Variants in ERAP1 observed in about 807,000 individuals in gnomAD.
ERAP1 encodes the protein endoplasmic reticulum aminopeptidase 1, also known as adipocyte-derived leucine aminopeptidase.
ERAP1 carries 86 observed loss-of-function variants against 103.7 expected under a neutral mutation model. The ratio of observed to expected loss-of-function variants is 0.83; its 90% CI spans 0.70 to 0.99. The LOEUF is 0.99. Ranked by LOEUF, ERAP1 falls within the 50% of genes least tolerant of loss-of-function variation. The probability of loss-of-function intolerance (pLI) is 0.00; values close to 1 mark genes in which losing one functional copy is unlikely to be tolerated. For synonymous variants in ERAP1, 398 were observed against 402.4 expected, an observed-to-expected ratio of 0.99 and a Z score of 0.13; for missense variants, 1,009 against 1,128.4, an observed-to-expected ratio of 0.89 and a Z score of 1.52.
intron 7 of ERAP1, among the ~76,000 whole-genome samples, chr5:96,792,740 C>T (rs1474452438): frequency 3.9e-5 from 6 of 151,944 alleles, no homozygotes; most frequent in African/African-American, 1.5e-4. Flanking sequence ...ATTATGTACA[C>T]AGGCAGATGA....
At chr5:96,824,432 G>T in the ERAP1 span, among the ~76,000 whole-genome samples, 1 of 152,082 alleles carries the variant, frequency 6.6e-6, no homozygotes, top group African/African-American at 2.4e-5. Flanking sequence ...CTCCTGCTTA[G>T]GACCCCTCAA....
chr5:96,781,995 T>C, intron 15 of ERAP1, 141 bp from the exon 16 acceptor site: 1 of 808,820 alleles, frequency 1.2e-6, no homozygotes, highest in Non-Finnish European at 2.0e-6. Flanking sequence ...ACTACTGATT[T>C]CCTTCAGTTA....
At chr5:96,812,974 C>A (rs1289660927), upstream of ERAP1, among the ~76,000 whole-genome samples, 1 of 151,974 alleles carries the variant, frequency 6.6e-6, no homozygotes, top group African/African-American at 2.4e-5. Context: ...TTTTTTCTTT[C>A]CCAACCCTTC....
chr5:96,923,194 G>A, the ERAP1 span, among the ~76,000 whole-genome samples: 1 of 152,016 alleles, frequency 6.6e-6, no homozygotes, highest in Non-Finnish European at 1.5e-5. Flanking sequence ...TTTCCACACT[G>A]GTCTCAAGCT....
At chr5:96,834,031 G>T in the ERAP1 span, among the ~76,000 whole-genome samples, 6 of 152,168 alleles carry the variant, frequency 3.9e-5, no homozygotes, top group Non-Finnish European at 1.5e-5. Context: ...GCCACAACTA[G>T]TTGAAATGAA....
At chr5:96,890,681 A>G in the ERAP1 span, among the ~76,000 whole-genome samples, 8 of 152,152 alleles carry the variant, frequency 5.3e-5, no homozygotes, top group Admixed American at 4.6e-4. Flanking sequence ...CATAAATTAA[A>G]AGGGACCATC....
the ERAP1 span, among the ~76,000 whole-genome samples, chr5:96,862,117 A>G: frequency 6.6e-6 from 1 of 152,132 alleles, no homozygotes; most frequent in East Asian, 1.9e-4. Context: ...AGAAGTTGGA[A>G]CCACAGGTGC....
the ERAP1 span, among the ~76,000 whole-genome samples, chr5:96,887,100 T>TATATATATATAC: frequency 2.6e-4 from 36 of 137,442 alleles, no homozygotes; most frequent in Non-Finnish European, 4.7e-4. Flanking sequence ...TATATATATA[T>TATATATATATAC]ACACACACAC....
At chr5:96,828,858 AT>A in the ERAP1 span, among the ~76,000 whole-genome samples, 1 of 151,624 alleles carries the variant, frequency 6.6e-6, no homozygotes, top group East Asian at 1.9e-4. Flanking sequence ...TTTTTTTATT[AT>A]TTTTTTGAGA....
Position 96,797,165 on chromosome 5 carries a change from A to G in ERAP1, c.798+10T>C. ...AAGCTGGTCACCATATGTGACAGTC[A>G]TAGGCTCACCTTGACTCCACTCTTG... is the stretch of plus-strand genomic sequence containing the variant. On this transcript the variant is annotated intron_variant, in intron 4 of 18. Coordinates refer to ENST00000443439, the MANE Select transcript of ERAP1 (RefSeq NM_001040458.3). 6.2e-7 allele frequency: 1 copy of G among 1,614,120 alleles called. No individual in the cohort carries two copies. The highest frequency in any genetic ancestry group is 8.5e-7 in the Non-Finnish European group (1 of 1,180,016).
At chr5:96,892,349 C>A in the ERAP1 span, 1 of 1,613,922 alleles carries the variant, frequency 6.2e-7, no homozygotes. Context: ...AAATTGGGGC[C>A]TCATTACATA....
At position 96,780,516 on chromosome 5, in the gene ERAP1, A is replaced by G. The variant is rs748823601; in HGVS notation, c.2589-12T>C. 6.3e-7 allele frequency: 1 copy of G among 1,596,800 alleles called. No homozygotes were observed. The highest frequency in any genetic ancestry group is 1.1e-5 in the South Asian group (1 of 90,702). The stretch of plus-strand genomic sequence containing the variant: ...AGCCAAGTTCAAACCTAGAGAGGGA[A>G]ATATTCAAAAACGGGTTGTGAAATA... On this transcript the variant is annotated splice_polypyrimidine_tract_variant and intron_variant, in intron 17 of 18. Transcript: ENST00000443439.
At chr5:96,879,479 C>G in the ERAP1 span, 1 of 506,776 alleles carries the variant, frequency 2.0e-6, no homozygotes, top group Non-Finnish European at 3.5e-6. Context: ...TTCCCTTACT[C>G]ACACATACCT....
At chr5:96,863,153 C>T in the ERAP1 span, among the ~76,000 whole-genome samples, 1 of 152,060 alleles carries the variant, frequency 6.6e-6, no homozygotes, top group Non-Finnish European at 1.5e-5. Context: ...TGCCCCCTGC[C>T]CCCACCTTCA....
chr5:96,770,301 G>A (rs1289567950), downstream of ERAP1: 1 of 497,074 alleles, frequency 2.0e-6, no homozygotes, highest in African/African-American at 1.9e-5. Context: ...GGGAATTAGA[G>A]CATCAATGTC....
the ERAP1 span, among the ~76,000 whole-genome samples, chr5:96,898,812 G>A: frequency 6.6e-6 from 1 of 151,926 alleles, no homozygotes; most frequent in African/African-American, 2.4e-5. Flanking sequence ...ATCACCCACC[G>A]TCAGTGGTCC....
At chr5:96,888,747 G>C in the ERAP1 span, among the ~76,000 whole-genome samples, 4 of 152,184 alleles carry the variant, frequency 2.6e-5, no homozygotes, top group African/African-American at 9.7e-5. Context: ...GCTTGACAGA[G>C]GGCGGATCCA....
At chr5:96,889,803 GA>G in the ERAP1 span, among the ~76,000 whole-genome samples, 1 of 150,136 alleles carries the variant, frequency 6.7e-6, no homozygotes, top group Non-Finnish European at 1.5e-5. Context: ...GCATTGATTA[GA>G]GAATGGATTT....
the ERAP1 span, among the ~76,000 whole-genome samples, chr5:96,845,833 AC>A: frequency 1.3e-5 from 2 of 152,152 alleles, no homozygotes; most frequent in African/African-American, 2.4e-5. Context: ...TCACATGCAA[AC>A]TTTTGTATAT....
Sources: gnomAD v4.1 joint callset for allele counts (sites outside exome capture counted in the v4.1 genomes callset) on GRCh38, gnomAD v4.1.1 for gene constraint, MANE v1.5 for transcripts, NCBI Gene and HGNC (gene_info 2026-07-23, HGNC 2026-07-21) for gene names.